The following PKHD1 variants were observed in gnomAD, a reference collection of about 807,000 sequenced individuals.
PKHD1 encodes the protein PKHD1 ciliary IPT domain containing fibrocystin/polyductin.
In PKHD1, 291 loss-of-function variants were observed where a neutral mutation model predicts 412.0. The observed-to-expected ratio is 0.71, with a 90% CI of 0.64 to 0.78. PKHD1 has a LOEUF of 0.78. Ranked by LOEUF, PKHD1 falls within the 30% of genes least tolerant of loss-of-function variation. The pLI is 0.00. For missense variants in PKHD1, 4,825 were observed against 4,950.7 expected, an observed-to-expected ratio of 0.97 and a Z score of 0.76; for synonymous variants, 1,777 against 1,821.5, an observed-to-expected ratio of 0.98 and a Z score of 0.62.
intron 60 of PKHD1, among the ~76,000 whole-genome samples, chr6:51,661,586 T>G (rs1307250520): frequency 6.6e-6 from 1 of 152,082 alleles, no homozygotes; most frequent in African/African-American, 2.4e-5. Flanking sequence ...CGGAAGTTGT[T>G]GATATTAAAG....
chr6:51,911,410 T>C (rs1362775130), intron 39 of PKHD1, among the ~76,000 whole-genome samples: 1 of 152,134 alleles, frequency 6.6e-6, no homozygotes, highest in Non-Finnish European at 1.5e-5. Context: ...ACAAGTCTAA[T>C]CAGTAAGAAT....
At chr6:51,736,453 C>T (rs1267644985) in intron 60 of PKHD1, among the ~76,000 whole-genome samples, 1 of 152,034 alleles carries the variant, frequency 6.6e-6, no homozygotes, top group Non-Finnish European at 1.5e-5. Context: ...GAAGCCGTAT[C>T]CCCCCCTGCT....
intron 43 of PKHD1, among the ~76,000 whole-genome samples, chr6:51,894,680 C>A (rs1021612896): frequency 6.6e-6 from 1 of 152,216 alleles, no homozygotes; most frequent in Non-Finnish European, 1.5e-5. Flanking sequence ...ATTTCAAGGT[C>A]AGACTCAGGT....
At chr6:51,651,712 T>G (rs1039413569) in intron 61 of PKHD1, among the ~76,000 whole-genome samples, 1 of 152,046 alleles carries the variant, frequency 6.6e-6, no homozygotes, top group Non-Finnish European at 1.5e-5. Flanking sequence ...TTCCCTGAAA[T>G]GAAAGTGATC....
Position 52,027,906 on chromosome 6 carries a change from A to T in PKHD1, c.3561-10T>A, listed in dbSNP as rs770804376. ...GATGTGGAGATCAACCCTACAGAAG[A>T]TAGGCAGATGTTTAGGAAATAACTG... On this transcript the variant is annotated splice_polypyrimidine_tract_variant and intron_variant, in intron 30 of 66. Transcript: ENST00000371117. The T allele has an allele frequency of 6.2e-7, 1 of 1,604,174 alleles. No homozygotes were observed. The highest frequency in any genetic ancestry group is 1.7e-5 in the Admixed American group (1 of 60,020).
chr6:51,821,833 C>T (rs772920615), intron 52 of PKHD1, among the ~76,000 whole-genome samples: 12 of 151,990 alleles, frequency 7.9e-5, no homozygotes, highest in Non-Finnish European at 1.5e-4. Flanking sequence ...ATTACAGGCG[C>T]ACACCACCAC....
intron 64 of PKHD1, among the ~76,000 whole-genome samples, chr6:51,637,350 G>A (rs1768712873): frequency 6.6e-6 from 1 of 152,142 alleles, no homozygotes; most frequent in African/African-American, 2.4e-5. Flanking sequence ...TTATGAACCT[G>A]TACTTATGTT....
chr6:52,065,981 A>G lies in PKHD1; in HGVS notation c.875T>C (p.Ile292Thr), dbSNP rs193185189. Reference sequence around the variant, plus strand: ...AGCCATTTCATCATAGTTACCTGCAATGGTAACCTGGGCAGAATTGTCAAA... The same window carrying G: ...AGCCATTTCATCATAGTTACCTGCAGTGGTAACCTGGGCAGAATTGTCAAA... The part of the protein sequence containing the change: ...DFFDNSAQVT[I>T]AGIPCDIRHV... Residue 292 changes from isoleucine (I) to threonine (T), a missense_variant, in exon 12 of 67, where the codon ATT becomes ACT. Transcript: ENST00000371117. The G allele has an allele frequency of 1.1e-5, 17 of 1,490,088 alleles. No homozygotes were observed. The highest frequency in any genetic ancestry group is 1.4e-5 in the African/African-American group (1 of 72,690). 92.3% of individuals were successfully genotyped at this position (1,490,088 alleles called of 1,614,324 possible).
intron 63 of PKHD1, among the ~76,000 whole-genome samples, chr6:51,641,416 G>A (rs888006007): frequency 1.3e-5 from 2 of 152,196 alleles, no homozygotes; most frequent in African/African-American, 4.8e-5. Context: ...CATATGTGGA[G>A]AAATAGTAAT....
rs2150413785 is a variant in PKHD1, at chr6:51,659,371, A to G, written c.10755T>C (p.Thr3585=). The change falls in exon 61 of 67, where the codon ACT becomes ACC. Residue 3585 remains threonine, a synonymous_variant. Transcript: ENST00000371117. The part of the protein sequence containing the change: ...GWEIVILERL[T]NFLQIGQNQI... ...GGTTTTGGCCAATCTGTAAGAAGTTAGTTAGTCTTTCGAGTATTACTATTT... is the reference window on the plus strand; with the variant it reads ...GGTTTTGGCCAATCTGTAAGAAGTTGGTTAGTCTTTCGAGTATTACTATTT... 1.2e-6 allele frequency: 2 copies of G among 1,613,802 alleles called. No homozygotes were observed. The highest frequency in any genetic ancestry group is 8.5e-7 in the Non-Finnish European group (1 of 1,179,876).
chr6:51,660,062 G>C, intron 60 of PKHD1, 93 bp from the exon 61 acceptor site: 2 of 787,306 alleles, frequency 2.5e-6, no homozygotes. Flanking sequence ...ATCTATAACT[G>C]GATAAAATAT....
chr6:51,993,443 T>C (rs888754614), intron 35 of PKHD1, among the ~76,000 whole-genome samples: 10 of 152,252 alleles, frequency 6.6e-5, no homozygotes. Flanking sequence ...ACCATGAAGC[T>C]GGGAGTTAAT....
chr6:51,939,954 C>G (rs377577537), intron 36 of PKHD1, among the ~76,000 whole-genome samples: 6 of 151,798 alleles, frequency 4.0e-5, no homozygotes, highest in African/African-American at 9.6e-5. Flanking sequence ...ATCCCTCCCC[C>G]ACCTGCCCAG....
intron 36 of PKHD1, among the ~76,000 whole-genome samples, chr6:51,959,281 C>G (rs906554403): frequency 2.6e-5 from 4 of 152,028 alleles, no homozygotes; most frequent in Non-Finnish European, 5.9e-5. Context: ...TCTCATTTAG[C>G]AGATAAGGAA....
intron 25 of PKHD1, 41 bp from the exon 26 acceptor site, chr6:52,043,771 A>G: frequency 7.4e-7 from 1 of 1,357,554 alleles, no homozygotes; most frequent in Non-Finnish European, 1.1e-6. Flanking sequence ...TATGCATTTC[A>G]TATCTACCAG....
At chr6:51,641,702 C>T (rs891864578) in intron 63 of PKHD1, among the ~76,000 whole-genome samples, 3 of 152,170 alleles carry the variant, frequency 2.0e-5, no homozygotes, top group African/African-American at 7.2e-5. Flanking sequence ...CTACGGAATA[C>T]TATGCAGCCA....
At position 51,887,752 on chromosome 6, in the gene PKHD1, T is replaced by C. The variant is rs559188736; in HGVS notation, c.6997-507A>G. On this transcript the variant is annotated intron_variant, in intron 43 of 66. Coordinates refer to ENST00000371117, the MANE Select transcript of PKHD1 (RefSeq NM_138694.4). Reference sequence around the variant, plus strand: ...GAAATTGATGCTTCCATGTTTCCTGTATAGCCTGCAGAACCATGAGCCAAT... The same window carrying C: ...GAAATTGATGCTTCCATGTTTCCTGCATAGCCTGCAGAACCATGAGCCAAT... Among the ~76,000 whole-genome samples the C allele has an allele frequency of 3.3e-5, 5 of 152,334 alleles. No homozygotes were observed. The East Asian group carries it at 7.7e-4, about 23-fold the overall frequency.
intron 33 of PKHD1, among the ~76,000 whole-genome samples, chr6:52,020,669 T>A (rs1430264341): frequency 6.6e-6 from 1 of 152,008 alleles, no homozygotes; most frequent in East Asian, 1.9e-4. Flanking sequence ...GTTGAAAAAA[T>A]TAGAGTAGGG....
intron 14 of PKHD1, among the ~76,000 whole-genome samples, chr6:52,062,199 A>G (rs946194243): frequency 1.3e-5 from 2 of 152,210 alleles, no homozygotes; most frequent in African/African-American, 4.8e-5. Context: ...TTACCTCTTA[A>G]CCAGGTACCT....
Sources: allele counts gnomAD v4.1 joint callset (sites outside exome capture counted in the v4.1 genomes callset), GRCh38; gene constraint gnomAD v4.1.1; transcripts MANE v1.5; gene names NCBI Gene and HGNC (gene_info 2026-07-23, HGNC 2026-07-21).